KCNS3: variants seen among roughly 807,000 people sequenced by gnomAD.
The protein encoded by KCNS3 is delayed-rectifier potassium channel regulatory subunit KCNS3.
KCNS3 carries 13 observed loss-of-function variants against 31.0 expected under a neutral mutation model. The ratio of observed to expected loss-of-function variants is 0.42; its 90% CI spans 0.27 to 0.67. The LOEUF (loss-of-function observed/expected upper bound fraction) is 0.67, where lower values mean the gene tolerates loss of function less well. Ranked by LOEUF, KCNS3 falls within the 30% of genes least tolerant of loss-of-function variation. The pLI, the probability that KCNS3 is intolerant of heterozygous loss-of-function variation, is 0.25. For synonymous variants in KCNS3, 238 were observed against 241.5 expected (o/e 0.99, Z 0.13); for missense variants, 545 against 622.4 (o/e 0.88, Z 1.32).
intron 2 of KCNS3, among the ~76,000 whole-genome samples, chr2:17,922,459 T>G (rs1044027774): frequency 6.6e-6 from 1 of 152,226 alleles, no homozygotes; most frequent in Non-Finnish European, 1.5e-5. Flanking sequence ...TCCTCCTGCC[T>G]TGGCCACCCA....
intron 1 of KCNS3, among the ~76,000 whole-genome samples, chr2:17,904,019 T>C (rs928651109): frequency 1.3e-5 from 2 of 152,114 alleles, no homozygotes; most frequent in Non-Finnish European, 1.5e-5. Context: ...TCTAGATCCC[T>C]GAGGAGTCGC....
At chr2:17,924,408 G>C (rs2125252500) in intron 2 of KCNS3, among the ~76,000 whole-genome samples, 1 of 151,938 alleles carries the variant, frequency 6.6e-6, no homozygotes, top group Middle Eastern at 3.4e-3. Flanking sequence ...AAAAGTGGTG[G>C]GATTGGACAT....
At chr2:17,895,234 A>T (rs2125237160) in intron 1 of KCNS3, among the ~76,000 whole-genome samples, 1 of 152,288 alleles carries the variant, frequency 6.6e-6, no homozygotes, top group East Asian at 1.9e-4. Flanking sequence ...AACCTCATGA[A>T]GTAAATAGTC....
intron 1 of KCNS3, among the ~76,000 whole-genome samples, chr2:17,889,257 T>C (rs796998006): frequency 5.3e-5 from 8 of 152,330 alleles, no homozygotes; most frequent in African/African-American, 1.9e-4. Context: ...GAAGAGCTAC[T>C]GATTTGTGTA....
intron 1 of KCNS3, among the ~76,000 whole-genome samples, chr2:17,884,931 T>TG (rs979463092): frequency 2.6e-5 from 3 of 115,142 alleles, no homozygotes; most frequent in African/African-American, 1.0e-4. Flanking sequence ...CCTTCCCTGT[T>TG]GTTTTTTTTT....
At chr2:17,919,483 A>G (rs1662664068) in intron 2 of KCNS3, 1 of 152,234 alleles carries the variant, frequency 6.6e-6, no homozygotes, top group Non-Finnish European at 1.5e-5. Context: ...GGCAGCTCAG[A>G]CACAAGTTTT....
intron 2 of KCNS3, among the ~76,000 whole-genome samples, chr2:17,926,905 G>A (rs928422161): frequency 6.6e-6 from 1 of 152,136 alleles, no homozygotes; most frequent in African/African-American, 2.4e-5. Context: ...TCAGAAAATG[G>A]GTTTTTCTTT....
intron 1 of KCNS3, among the ~76,000 whole-genome samples, chr2:17,887,091 T>C (rs1310735583): frequency 6.6e-6 from 1 of 152,174 alleles, no homozygotes; most frequent in Non-Finnish European, 1.5e-5. Context: ...TTTTATTTTA[T>C]TATTTTTTCT....
chr2:17,890,568 A>G (rs1021534504), intron 1 of KCNS3, among the ~76,000 whole-genome samples: 13 of 152,142 alleles, frequency 8.5e-5, no homozygotes, highest in African/African-American at 3.1e-4. Context: ...ACTTAGGGCT[A>G]TGAACTTTCC....
In KCNS3 at chr2:17,924,613, GATA is replaced by G. The variant is rs781723115; in HGVS notation, c.-59-6334_-59-6332del. ...ATGCTTTTTCTGCATCTTTTGAGAT[GATA>G]ATGTCATTTTCATTATTTCTTTAGT... On this transcript the variant is annotated intron_variant, in intron 2 of 2. Coordinates refer to ENST00000304101, the MANE Select transcript of KCNS3 (RefSeq NM_002252.5). Among the ~76,000 whole-genome samples, 8 of 152,168 alleles carry G rather than the reference GATA, an allele frequency of 5.3e-5. No homozygotes were observed. In the South Asian group the frequency reaches 6.2e-4, roughly 12 times the overall value.
chr2:17,921,071 T>C (rs1008180603), intron 2 of KCNS3, among the ~76,000 whole-genome samples: 1 of 152,196 alleles, frequency 6.6e-6, no homozygotes, highest in African/African-American at 2.4e-5. Context: ...TTACATGTAC[T>C]CATTGCCTGC....
intron 1 of KCNS3, among the ~76,000 whole-genome samples, chr2:17,880,060 G>A (rs1405636683): frequency 2.6e-5 from 4 of 152,282 alleles, no homozygotes; most frequent in South Asian, 4.1e-4. Context: ...AGCGATTTGC[G>A]TAACCATTCA....
chr2:17,890,889 G>A (rs1184641579), intron 1 of KCNS3, among the ~76,000 whole-genome samples: 2 of 152,140 alleles, frequency 1.3e-5, no homozygotes, highest in Non-Finnish European at 2.9e-5. Context: ...TGAATAGAAC[G>A]TGTATTCTGT....
At position 17,913,345 on chromosome 2, in the gene KCNS3, C is replaced by A. The variant is rs187234798; in HGVS notation, c.-251-4335C>A. ...ATTAGTCTCCACAAGGTTGGAACTT[C>A]GGTCAGGAGTGGGCGTATTCAGCAG... is the stretch of plus-strand genomic sequence containing the variant. On this transcript the variant is annotated intron_variant, in intron 1 of 2. Transcript: ENST00000304101. Among the ~76,000 whole-genome samples the A allele has an allele frequency of 4.5e-4, 69 of 152,346 alleles. 1 individual carries two copies. In the East Asian group the frequency reaches 0.012, roughly 26 times the overall value.
intron 1 of KCNS3, among the ~76,000 whole-genome samples, chr2:17,897,871 C>T (rs1217901028): frequency 3.3e-5 from 5 of 152,058 alleles, no homozygotes; most frequent in East Asian, 1.9e-4. Flanking sequence ...AAGGTATTTC[C>T]TTTAATAAAT....
intron 1 of KCNS3, among the ~76,000 whole-genome samples, chr2:17,897,569 CAT>C (rs774664145): frequency 6.6e-6 from 1 of 152,124 alleles, no homozygotes; most frequent in Non-Finnish European, 1.5e-5. Flanking sequence ...AGCATTTTTT[CAT>C]ATGTTTGTTG....
At chr2:17,886,356 T>G (rs1340111599) in intron 1 of KCNS3, among the ~76,000 whole-genome samples, 1 of 152,166 alleles carries the variant, frequency 6.6e-6, no homozygotes, top group African/African-American at 2.4e-5. Flanking sequence ...TGAATACTGT[T>G]GTTTGTAGAT....
At position 17,930,788 on chromosome 2, in the gene KCNS3, G is replaced by A. The variant is rs964875029; in HGVS notation, c.-59-162G>A. On this transcript the variant is annotated intron_variant, in intron 2 of 2. Transcript: ENST00000304101. ...TTTTTTTGGGAAAAATCTGTTTTGT[G>A]TTGATTTTCTTCTGAACAAAATGCA... Among the ~76,000 whole-genome samples the A allele has an allele frequency of 4.6e-5, 7 of 152,172 alleles. No individual in the cohort carries two copies. In the South Asian group the frequency reaches 8.3e-4, roughly 18 times the overall value.
In KCNS3 at chr2:17,881,188, C is replaced by T. The variant is rs760714482; in HGVS notation, c.-252+2382C>T. Among the ~76,000 whole-genome samples, 8 of 152,192 alleles carry T rather than the reference C, an allele frequency of 5.3e-5. No homozygotes were observed. The South Asian group carries it at 1.7e-3, about 32-fold the overall frequency. ...GGTGCATGTTGAGTCAGATGGGAGGCCAGTGGGAAATGGTGGGCCTGAGGT... is the reference window on the plus strand; with the variant it reads ...GGTGCATGTTGAGTCAGATGGGAGGTCAGTGGGAAATGGTGGGCCTGAGGT... On this transcript the variant is annotated intron_variant, in intron 1 of 2. Transcript: ENST00000304101.
Sources: allele counts gnomAD v4.1 joint callset (sites outside exome capture counted in the v4.1 genomes callset), GRCh38; gene constraint gnomAD v4.1.1; transcripts MANE v1.5; gene names NCBI Gene and HGNC (gene_info 2026-07-23, HGNC 2026-07-21).